The following FXR2 variants were observed in gnomAD, a reference collection of about 807,000 sequenced individuals.
FXR2 encodes FMR1 autosomal homolog 2.
In FXR2, 9 loss-of-function variants were observed where a neutral mutation model predicts 87.3. The ratio of observed to expected loss-of-function variants is 0.10; its 90% CI spans 0.06 to 0.18. The LOEUF (loss-of-function observed/expected upper bound fraction) is 0.18. Among genes scored for constraint, FXR2 ranks in the 10% least tolerant of loss-of-function variants. The probability of loss-of-function intolerance (pLI) is 1.00; values close to 1 mark genes in which losing one functional copy is unlikely to be tolerated. For synonymous variants in FXR2, 331 were observed against 328.3 expected, an observed-to-expected ratio of 1.01 and a Z score of -0.09; for missense variants, 661 against 893.6, an observed-to-expected ratio of 0.74 and a Z score of 3.32.
In FXR2 at chr17:7,595,018, A is replaced by G. The variant is rs2071696447; in HGVS notation, c.832-261T>C. ...TCCCAGCTACTCCGGAGGCTGAGGCAGGAGATTTCTTGAACCCAGGAGGCA... is the reference window on the plus strand; with the variant it reads ...TCCCAGCTACTCCGGAGGCTGAGGCGGGAGATTTCTTGAACCCAGGAGGCA... On this transcript the variant is annotated intron_variant, in intron 8 of 16. Coordinates refer to ENST00000250113, the MANE Select transcript of FXR2 (RefSeq NM_004860.4). The surrounding 1 kb of genome is among the most constrained non-coding windows in gnomAD (Gnocchi z 4.7). Among the ~76,000 whole-genome samples the G allele has an allele frequency of 6.6e-6, 1 of 152,178 alleles. No individual in the cohort carries two copies. Among genetic ancestry groups the G allele is most frequent in the Non-Finnish European group, 1.5e-5 (1 of 68,026 alleles).
intron 1 of FXR2, among the ~76,000 whole-genome samples, chr17:7,606,892 T>C (rs1301644134): frequency 6.6e-6 from 1 of 152,202 alleles, no homozygotes; most frequent in Non-Finnish European, 1.5e-5. Flanking sequence ...AAGCCATGCA[T>C]TCACCCCTAT....
At position 7,595,953 on chromosome 17, in the gene FXR2, T is replaced by G; in HGVS notation, c.702A>C (p.Thr234=). 6.2e-7 allele frequency: 1 copy of G among 1,613,756 alleles called. No homozygotes were observed. ...CCAGTCCCATCAGGTCCTCTCGCAC[T>G]GTGAACTCCTCTTGGAAGGCTGCTG... is the stretch of plus-strand genomic sequence containing the variant. ...QLAAAFQEEF[T]VREDLMGLAI... is the part of the protein sequence containing the mutation. The change falls in exon 8 of 17, where the codon ACA becomes ACC. Residue 234 remains threonine (T), a synonymous_variant. Coordinates refer to ENST00000250113, the MANE Select transcript of FXR2 (RefSeq NM_004860.4). This position sits in a 1 kb window ranked among gnomAD's most constrained non-coding sequence, Gnocchi z 4.7.
rs929534455 is a variant in FXR2, at chr17:7,592,411, C to T, written c.1826-57G>A. On this transcript the variant is annotated intron_variant, in intron 15 of 16. Coordinates refer to ENST00000250113, the MANE Select transcript of FXR2 (RefSeq NM_004860.4). This position sits in a 1 kb window ranked among gnomAD's most constrained non-coding sequence, Gnocchi z 4.8. ...TGGAATTCTGGTAGCCAGCCTAAGA[C>T]ACCCACTGAACCCGAACCCCTGATT... The T allele has an allele frequency of 2.6e-6, 4 of 1,536,608 alleles. No homozygotes were observed. Among genetic ancestry groups the T allele is most frequent in the African/African-American group, 2.7e-5 (2 of 73,330 alleles).
chr17:7,593,474 T>G lies in FXR2; in HGVS notation c.1259A>C (p.His420Pro). The G allele has an allele frequency of 2.5e-6, 4 of 1,590,350 alleles. No homozygotes were observed. The South Asian group carries it at 4.6e-5, about 18-fold the overall frequency. The change falls in exon 12 of 17, where the codon CAT becomes CCT. Residue 420 changes from histidine (H) to proline (P), a missense_variant. This residue lies in a region of FXR2 where 409 missense variants were observed against 432.0 expected (regional missense o/e 0.95). Coordinates refer to ENST00000250113, the MANE Select transcript of FXR2 (RefSeq NM_004860.4). This position sits in a 1 kb window ranked among gnomAD's most constrained non-coding sequence, Gnocchi z 6.1. ...STDESSSSSL[H>P]ATRTYGGSYG... ...GCTGCCCCCATAGGTTCGAGTCGCA[T>G]GGAGGGAGGAGGAGGAGCTCTCATC...
At chr17:7,602,241 G>A (rs140860196) in intron 6 of FXR2, among the ~76,000 whole-genome samples, 4,658 of 152,120 alleles carry the variant, frequency 0.031, 217 homozygotes, top group African/African-American at 0.11. Flanking sequence ...GACCAATATG[G>A]TGAAACCCTG....
In FXR2 at chr17:7,606,164, A is replaced by C. The variant is rs2071801320; in HGVS notation, c.82-15T>G. The C allele has an allele frequency of 9.9e-6, 15 of 1,514,202 alleles. No homozygotes were observed. The East Asian group carries it at 3.7e-4, about 37-fold the overall frequency. The allele number at this position is 1,514,202 out of a possible 1,614,324, so 93.8% of individuals were successfully genotyped here. On this transcript the variant is annotated splice_polypyrimidine_tract_variant and intron_variant, in intron 1 of 16. Coordinates refer to ENST00000250113, the MANE Select transcript of FXR2 (RefSeq NM_004860.4). ...TTCACAAAGCCCTAGAATGGATTTT[A>C]GAAAAAAGCAAAAAAAATAAAATGA...
chr17:7,595,700 G>T lies in FXR2; in HGVS notation c.831+124C>A. ...TAGGCTCAAGTGATCCTCTCACTTT[G>T]ACCTCCGAAGGTGCTGGGATTACAG... On this transcript the variant is annotated intron_variant, in intron 8 of 16. Coordinates refer to ENST00000250113, the MANE Select transcript of FXR2 (RefSeq NM_004860.4). This position sits in a 1 kb window ranked among gnomAD's most constrained non-coding sequence, Gnocchi z 4.7. 1 of 687,828 alleles carries T rather than the reference G, an allele frequency of 1.5e-6. No homozygotes were observed. Among genetic ancestry groups the T allele is most frequent in the Non-Finnish European group, 2.5e-6 (1 of 403,502 alleles). The allele number at this position is 687,828 out of a possible 1,614,324, so 42.6% of individuals were successfully genotyped here.
Position 7,594,706 on chromosome 17 carries a change from A to T in FXR2, c.883T>A (p.Ser295Thr). 1.9e-6 allele frequency: 3 copies of T among 1,611,828 alleles called. No homozygotes were observed. The highest frequency in any genetic ancestry group is 2.5e-6 in the Non-Finnish European group (3 of 1,177,880). ...ARSYLEFSED[S>T]VQVPRNLVGK... ...ACCAGGTTCCTGGGCACTTGCACTG[A>T]GTCCTCAGAAAACTCAAGGTAGCTT... The change falls in exon 9 of 17, where the codon TCA becomes ACA. Residue 295 changes from serine (S) to threonine (T), a missense_variant. Around this residue, in one of 3 missense-constraint regions of FXR2, gnomAD observed 82 missense variants for 214.4 expected, o/e 0.38. Coordinates refer to ENST00000250113, the MANE Select transcript of FXR2 (RefSeq NM_004860.4). The surrounding 1 kb of genome is among the most constrained non-coding windows in gnomAD (Gnocchi z 5.1).
chr17:7,592,622 A>G lies in FXR2; in HGVS notation c.1730-23T>C, dbSNP rs747065495. On this transcript the variant is annotated intron_variant, in intron 14 of 16. Transcript: ENST00000250113. The surrounding 1 kb of genome is among the most constrained non-coding windows in gnomAD (Gnocchi z 4.8). The stretch of plus-strand genomic sequence containing the variant: ...CTTCTGTAGGGTAGGAAAAAACCAG[A>G]GTCACACATCCAACCTCCCACCCTC... 27 of 1,612,620 alleles carry G rather than the reference A, an allele frequency of 1.7e-5. No homozygotes were observed. Among genetic ancestry groups the G allele is most frequent in the Non-Finnish European group, 2.0e-5 (24 of 1,179,060 alleles).
chr17:7,614,487 C>T lies in FXR2; in HGVS notation c.46G>A (p.Val16Ile). 2 of 1,539,848 alleles carry T rather than the reference C, an allele frequency of 1.3e-6. No individual in the cohort carries two copies. Among genetic ancestry groups the T allele is most frequent in the Non-Finnish European group, 8.7e-7 (1 of 1,146,338 alleles). ...GCCCCGTTGGAGCCGCGCACCTCGA[C>T]GGGCAGTCCCGGCTCCACATCCCCC... ...SGGDVEPGLP[V>I]EVRGSNGAFY... The change falls in exon 1 of 17, where the codon GTC becomes ATC. Residue 16 changes from valine (V) to isoleucine (I), a missense_variant. Val to Ile is a conservative substitution (Grantham distance 29, BLOSUM62 3). Coordinates refer to ENST00000250113, the MANE Select transcript of FXR2 (RefSeq NM_004860.4).
chr17:7,601,077 G>C (rs1350194638), intron 7 of FXR2, among the ~76,000 whole-genome samples: 2 of 152,104 alleles, frequency 1.3e-5, no homozygotes. Context: ...TACTCAGAAG[G>C]CTGAGGCATG....
rs903943333 is a variant in FXR2, at chr17:7,614,877, C to A, written c.-345G>T. ...TGCCGCTCCACAGCCTCCACCTCCCCCTGCCACCGCCGCCTACTGCGCAGG... is the reference window on the plus strand; with the variant it reads ...TGCCGCTCCACAGCCTCCACCTCCCACTGCCACCGCCGCCTACTGCGCAGG... On this transcript the variant is annotated 5_prime_UTR_variant, in exon 1 of 17. Coordinates refer to ENST00000250113, the MANE Select transcript of FXR2 (RefSeq NM_004860.4). The A allele has an allele frequency of 1.1e-4, 17 of 156,382 alleles. No individual in the cohort carries two copies. The highest frequency in any genetic ancestry group is 2.9e-3 in the Middle Eastern group (1 of 340). 9.7% of individuals were successfully genotyped at this position (156,382 alleles called of 1,614,324 possible). A position where few individuals can be genotyped will look rare whatever the true frequency, so the allele number is the denominator to read the frequency against.
chr17:7,614,149 A>T, intron 1 of FXR2: 2 of 615,126 alleles, frequency 3.3e-6, no homozygotes, highest in South Asian at 3.0e-5. Flanking sequence ...AGTCAATTAG[A>T]AGCTGGGTAA....
At chr17:7,596,234 T>C in intron 7 of FXR2, 1 of 371,950 alleles carries the variant, frequency 2.7e-6, no homozygotes, top group Non-Finnish European at 4.9e-6. Context: ...CTCAGCTCAC[T>C]GCAACCTCCG....
rs146669766 is a variant in FXR2, at chr17:7,610,912, TAGA to T, written c.81+3537_81+3539del. On this transcript the variant is annotated intron_variant, in intron 1 of 16. Coordinates refer to ENST00000250113, the MANE Select transcript of FXR2 (RefSeq NM_004860.4). Reference sequence around the variant, plus strand: ...CCTAGGTACTTTGGTTTCCTCAAATTAGAAGATATAAAATTGGTCCCCACCTTC... The same window carrying T: ...CCTAGGTACTTTGGTTTCCTCAAATTAGATATAAAATTGGTCCCCACCTTC... 7.3e-3 allele frequency among the ~76,000 whole-genome samples: 1,118 copies of T among 152,228 alleles called. 25 individuals are homozygous for T. The highest frequency in any genetic ancestry group is 0.024 in the African/African-American group (1,009 of 41,524).
At position 7,594,533 on chromosome 17, in the gene FXR2, T is replaced by G; in HGVS notation, c.910+146A>C. 1 of 707,346 alleles carries G rather than the reference T, an allele frequency of 1.4e-6. No homozygotes were observed. Among genetic ancestry groups the G allele is most frequent in the Non-Finnish European group, 2.5e-6 (1 of 401,850 alleles). The allele number at this position is 707,346 out of a possible 1,614,324, so 43.8% of individuals were successfully genotyped here. A position where few individuals can be genotyped will look rare whatever the true frequency, so the allele number is the denominator to read the frequency against. ...CAATCCCTAGAAATTTATTCTTTCATTTTTATCACTCCCATTACAGACTGT... is the reference window on the plus strand; with the variant it reads ...CAATCCCTAGAAATTTATTCTTTCAGTTTTATCACTCCCATTACAGACTGT... On this transcript the variant is annotated intron_variant, in intron 9 of 16. Transcript: ENST00000250113. The surrounding 1 kb of genome is among the most constrained non-coding windows in gnomAD (Gnocchi z 5.1).
chr17:7,605,673 T>G lies in FXR2; in HGVS notation c.200A>C (p.Lys67Thr). The G allele has an allele frequency of 6.3e-7, 1 of 1,585,316 alleles. No individual in the cohort carries two copies. Among genetic ancestry groups the G allele is most frequent in the Non-Finnish European group, 8.7e-7 (1 of 1,154,690 alleles). ...VRLPPPADYN[K>T]EITEGDEVEV... The stretch of plus-strand genomic sequence containing the variant: ...CACTTCATCCCCTTCTGTGATCTCC[T>G]TATTATAGTCAGCTGGAGGTGGTAG... The change falls in exon 3 of 17, where the codon AAG (lysine) becomes ACG (threonine). Residue 67 changes from lysine to threonine, a missense_variant. By Grantham distance (78) the Lys-to-Thr change is moderately conservative. Around this residue, in one of 3 missense-constraint regions of FXR2, gnomAD observed 170 missense variants for 247.2 expected, o/e 0.69. Transcript: ENST00000250113.
Position 7,595,773 on chromosome 17 carries a change from C to T in FXR2, c.831+51G>A. ...TGAGGCTTATTTTCTACTTCGGCCT[C>T]TCTTCCCTCTATCCCCTAAGAGACC... On this transcript the variant is annotated intron_variant, in intron 8 of 16. Transcript: ENST00000250113. The surrounding 1 kb of genome is among the most constrained non-coding windows in gnomAD (Gnocchi z 4.7). 1 of 1,496,984 alleles carries T rather than the reference C, an allele frequency of 6.7e-7. No homozygotes were observed. The allele number at this position is 1,496,984 out of a possible 1,614,324, so 92.7% of individuals were successfully genotyped here.
chr17:7,613,859 A>C, intron 1 of FXR2: 1 of 354,176 alleles, frequency 2.8e-6, no homozygotes, highest in South Asian at 2.1e-5. Flanking sequence ...AAGCAACTTG[A>C]CTGATCCAAC....
Sources: gnomAD v4.1 joint callset for allele counts (sites outside exome capture counted in the v4.1 genomes callset) on GRCh38, gnomAD v4.1.1 for gene constraint, gnomAD v4.1.1 regional missense constraint, Gnocchi (gnomAD v3.1) non-coding constraint, MANE v1.5 for transcripts, NCBI Gene and HGNC (gene_info 2026-07-23, HGNC 2026-07-21) for gene names.